Variants in HYCC1 observed in about 807,000 individuals in gnomAD.
The protein encoded by HYCC1 is hyccin.
At chr7:23,010,519 A>C in the HYCC1 span, among the ~76,000 whole-genome samples, 4 of 152,226 alleles carry the variant, frequency 2.6e-5, no homozygotes, top group African/African-American at 9.6e-5. Flanking sequence ...CCTGGGGATA[A>C]GAGGAAAAGA....
the HYCC1 span, among the ~76,000 whole-genome samples, chr7:22,907,359 C>T: frequency 6.6e-6 from 1 of 152,188 alleles, no homozygotes; most frequent in Admixed American, 6.5e-5. Context: ...CTGGCTGAGG[C>T]TGGCTGGCAC....
At chr7:22,956,647 C>T in the HYCC1 span, among the ~76,000 whole-genome samples, 2 of 151,780 alleles carry the variant, frequency 1.3e-5, no homozygotes, top group Non-Finnish European at 3.0e-5. Flanking sequence ...TCCTTACAAA[C>T]GTACCACTCT....
chr7:22,903,811 C>T, the HYCC1 span, among the ~76,000 whole-genome samples: 1 of 152,152 alleles, frequency 6.6e-6, no homozygotes, highest in Non-Finnish European at 1.5e-5. Context: ...AATTTGTCAA[C>T]ATGTGAAGAC....
chr7:22,937,354 A>G, the HYCC1 span: 5 of 152,326 alleles, frequency 3.3e-5, no homozygotes, highest in African/African-American at 9.6e-5. Context: ...GGCCTTTCCT[A>G]CGTTGTTTTC....
the HYCC1 span, among the ~76,000 whole-genome samples, chr7:22,931,269 A>C: frequency 6.6e-6 from 1 of 151,326 alleles, no homozygotes; most frequent in Middle Eastern, 3.2e-3. Flanking sequence ...AAAAAAAAAA[A>C]AAAACCAGCC....
chr7:22,980,645 T>G, the HYCC1 span, among the ~76,000 whole-genome samples: 2 of 152,108 alleles, frequency 1.3e-5, no homozygotes, highest in Non-Finnish European at 1.5e-5. Context: ...CTTGCAAAAT[T>G]TTTTGTATTG....
chr7:22,977,525 T>C, the HYCC1 span: 1 of 654,152 alleles, frequency 1.5e-6, no homozygotes, highest in South Asian at 1.9e-5. Flanking sequence ...AAGACCTGAA[T>C]AGAAAGGAAT....
At chr7:22,991,645 T>C in the HYCC1 span, among the ~76,000 whole-genome samples, 205 of 152,252 alleles carry the variant, frequency 1.3e-3, no homozygotes, top group African/African-American at 4.7e-3. Context: ...AGTGACAATA[T>C]TCAAAATGAC....
the HYCC1 span, among the ~76,000 whole-genome samples, chr7:22,987,600 G>GA: frequency 6.6e-6 from 1 of 152,106 alleles, no homozygotes; most frequent in Non-Finnish European, 1.5e-5. Flanking sequence ...AGCAGACAAT[G>GA]AATAATTTTA....
At chr7:22,965,174 G>A in the HYCC1 span, among the ~76,000 whole-genome samples, 3 of 150,684 alleles carry the variant, frequency 2.0e-5, no homozygotes, top group Non-Finnish European at 4.4e-5. Flanking sequence ...AAAGAAACTT[G>A]GCACTATTTG....
the HYCC1 span, among the ~76,000 whole-genome samples, chr7:22,927,805 A>G: frequency 6.6e-6 from 1 of 152,252 alleles, no homozygotes; most frequent in Admixed American, 6.5e-5. Flanking sequence ...AATCAAGAGA[A>G]AAAGAGAGAA....
the HYCC1 span, among the ~76,000 whole-genome samples, chr7:22,920,175 C>A: frequency 6.6e-6 from 1 of 151,050 alleles, no homozygotes; most frequent in Non-Finnish European, 1.5e-5. Flanking sequence ...GTAGATCCTG[C>A]CTCCACAAAA....
chr7:22,925,436 A>G, the HYCC1 span, among the ~76,000 whole-genome samples: 3 of 152,232 alleles, frequency 2.0e-5, no homozygotes, highest in Non-Finnish European at 2.9e-5. Flanking sequence ...AACTTTGAAA[A>G]AAAATTAGAC....
At chr7:22,898,018 A>G in the HYCC1 span, among the ~76,000 whole-genome samples, 1 of 151,760 alleles carries the variant, frequency 6.6e-6, no homozygotes, top group African/African-American at 2.4e-5. Flanking sequence ...TGGCACTGAT[A>G]TTGCTTGAGG....
At chr7:23,004,450 A>T in the HYCC1 span, among the ~76,000 whole-genome samples, 3 of 152,194 alleles carry the variant, frequency 2.0e-5, no homozygotes, top group African/African-American at 7.2e-5. Context: ...CATCTGCTTT[A>T]ATTACCATCT....
the HYCC1 span, among the ~76,000 whole-genome samples, chr7:22,902,146 A>C: frequency 2.5e-3 from 378 of 152,246 alleles, 5 homozygotes; most frequent in East Asian, 0.015. Flanking sequence ...GAAACCTCAA[A>C]TATTTGGAAA....
chr7:22,943,136 T>C, the HYCC1 span: 4 of 152,234 alleles, frequency 2.6e-5, no homozygotes, highest in African/African-American at 9.6e-5. Context: ...ACAAGAAAAA[T>C]ATAAAGTGTT....
chr7:22,919,990 C>T, the HYCC1 span, among the ~76,000 whole-genome samples: 2 of 152,124 alleles, frequency 1.3e-5, no homozygotes. Flanking sequence ...CAAAGAGATA[C>T]AAATTCAGAC....
chr7:22,943,835 A>G, the HYCC1 span: 1 of 152,614 alleles, frequency 6.6e-6, no homozygotes, highest in Non-Finnish European at 1.5e-5. Flanking sequence ...ACAGTTCTTA[A>G]CTACAATTTA....
Sources: allele counts gnomAD v4.1 joint callset (sites outside exome capture counted in the v4.1 genomes callset), GRCh38; gene constraint gnomAD v4.1.1; transcripts MANE v1.5; gene names NCBI Gene and HGNC (gene_info 2026-07-23, HGNC 2026-07-21).